The following APLP2 variants were observed in gnomAD, a reference collection of about 807,000 sequenced individuals.
The protein encoded by APLP2 is amyloid beta precursor like protein 2, also known as CDEI box-binding protein.
APLP2 carries 53 observed loss-of-function variants against 89.9 expected under a neutral mutation model. The ratio of observed to expected loss-of-function variants is 0.59; its 90% CI spans 0.47 to 0.74. The LOEUF (loss-of-function observed/expected upper bound fraction) is 0.74, where lower values mean the gene tolerates loss of function less well. Among genes scored for constraint, APLP2 ranks in the 30% least tolerant of loss-of-function variants. The pLI is 0.00. For synonymous variants in APLP2, 372 were observed against 348.6 expected, an observed-to-expected ratio of 1.07 and a Z score of -0.75; for missense variants, 973 against 975.9, an observed-to-expected ratio of 1.00 and a Z score of 0.04.
intron 3 of APLP2, among the ~76,000 whole-genome samples, chr11:130,114,600 A>G (rs1948968104): frequency 6.6e-6 from 1 of 152,018 alleles, no homozygotes; most frequent in Non-Finnish European, 1.5e-5. Flanking sequence ...TGAGAACTTT[A>G]CTTTCTGATA....
In APLP2 at chr11:130,144,470, C is replaced by G. The variant is rs1432508248; in HGVS notation, c.*1022C>G. ...TTGTGTGAAAGGAAAGTAGTCCAGG[C>G]TGTCCCTGAAACTGAGTCTGTGGAC... On this transcript the variant is annotated 3_prime_UTR_variant, in exon 17 of 17. Coordinates refer to ENST00000338167, the MANE Select transcript of APLP2 (RefSeq NM_001142276.2). The G allele has an allele frequency of 6.6e-6, 1 of 152,344 alleles. No homozygotes were observed. The highest frequency in any genetic ancestry group is 1.9e-4 in the East Asian group (1 of 5,186). The allele number at this position is 152,344 out of a possible 1,614,324, so 9.4% of individuals were successfully genotyped here. A position where few individuals can be genotyped will look rare whatever the true frequency, so the allele number is the denominator to read the frequency against.
At chr11:130,073,634 A>C (rs796214144) in intron 1 of APLP2, among the ~76,000 whole-genome samples, 7 of 152,308 alleles carry the variant, frequency 4.6e-5, no homozygotes, top group African/African-American at 1.7e-4. Flanking sequence ...CGAGGTCAGG[A>C]GTTCGAGACC....
At chr11:130,100,186 A>C (rs546953845) in intron 1 of APLP2, 1 of 152,268 alleles carries the variant, frequency 6.6e-6, no homozygotes, top group Admixed American at 6.5e-5. Context: ...CAGAGTTGGC[A>C]CAGCCAGTCA....
chr11:130,095,238 G>A (rs545882357), intron 1 of APLP2, among the ~76,000 whole-genome samples: 126 of 152,344 alleles, frequency 8.3e-4, no homozygotes, highest in Middle Eastern at 3.4e-3. Context: ...TGGATGTGGT[G>A]TGGCATGTCT....
intron 1 of APLP2, chr11:130,102,032 GTAATTGTTT>G (rs1451523341): frequency 2.2e-6 from 1 of 452,776 alleles, no homozygotes; most frequent in East Asian, 7.0e-5. Flanking sequence ...CTGCTCTCAA[GTAATTGTTT>G]TCCCTTTTGT....
At chr11:130,097,900 T>C (rs1946418274) in intron 1 of APLP2, among the ~76,000 whole-genome samples, 1 of 152,172 alleles carries the variant, frequency 6.6e-6, no homozygotes, top group Admixed American at 6.5e-5. Context: ...AATGTTAGAA[T>C]TCAGGACAGT....
At chr11:130,095,308 A>G (rs1946049546) in intron 1 of APLP2, among the ~76,000 whole-genome samples, 1 of 152,148 alleles carries the variant, frequency 6.6e-6, no homozygotes, top group African/African-American at 2.4e-5. Flanking sequence ...GGAGTTTGAG[A>G]CTGCAGTGAC....
At chr11:130,086,150 G>C (rs1180666255) in intron 1 of APLP2, among the ~76,000 whole-genome samples, 3 of 152,242 alleles carry the variant, frequency 2.0e-5, no homozygotes, top group African/African-American at 7.2e-5. Flanking sequence ...CTGTTCTCCA[G>C]TCCCACTGAC....
At chr11:130,137,833 C>A (rs1210323582) in intron 13 of APLP2, among the ~76,000 whole-genome samples, 1 of 152,142 alleles carries the variant, frequency 6.6e-6, no homozygotes, top group South Asian at 2.1e-4. Flanking sequence ...TGGAGACAAC[C>A]CAGCTCACTG....
chr11:130,112,975 G>A (rs1169270823), intron 3 of APLP2, among the ~76,000 whole-genome samples: 1 of 152,132 alleles, frequency 6.6e-6, no homozygotes, highest in African/African-American at 2.4e-5. Flanking sequence ...TTCCTGCAAG[G>A]CTTACCTCAG....
intron 1 of APLP2, among the ~76,000 whole-genome samples, chr11:130,091,378 A>C: frequency 7.4e-6 from 1 of 134,996 alleles, no homozygotes; most frequent in Non-Finnish European, 1.5e-5. Context: ...CGACCCCCCT[A>C]CCTCCCTCCC....
chr11:130,120,686 A>G lies in APLP2; in HGVS notation c.404-20A>G. 6.3e-7 allele frequency: 1 copy of G among 1,584,016 alleles called. No homozygotes were observed. Among genetic ancestry groups the G allele is most frequent in the Non-Finnish European group, 8.7e-7 (1 of 1,152,660 alleles). ...TGAAATCATGGTCAGATCCGCTCTGACAAAGATTCTCTTTTCCAGTGGGTG... is the reference window on the plus strand; with the variant it reads ...TGAAATCATGGTCAGATCCGCTCTGGCAAAGATTCTCTTTTCCAGTGGGTG... On this transcript the variant is annotated intron_variant, in intron 3 of 16. Coordinates refer to ENST00000338167, the MANE Select transcript of APLP2 (RefSeq NM_001142276.2).
At chr11:130,109,629 G>GT in intron 2 of APLP2, 27 bp downstream of exon 2, 1 of 1,592,104 alleles carries the variant, frequency 6.3e-7, no homozygotes, top group African/African-American at 1.4e-5. Context: ...TAAGTTGAAA[G>GT]TGTTATTTTT....
At position 130,129,154 on chromosome 11, in the gene APLP2, G is replaced by A. The variant is rs768916094; in HGVS notation, c.1403G>A (p.Arg468His). 4 of 1,614,196 alleles carry A rather than the reference G, an allele frequency of 2.5e-6. No homozygotes were observed. Among genetic ancestry groups the A allele is most frequent in the Admixed American group, 3.3e-5 (2 of 60,024 alleles). ...ARVEAMLNDR[R>H]RMALENYLAA... The stretch of plus-strand genomic sequence containing the variant: ...GTGGAAGCTATGCTGAATGACCGCC[G>A]TCGGATGGCTCTGGAGAACTACCTG... Residue 468 changes from arginine (R) to histidine (H), a missense_variant, in exon 10 of 17, where the codon CGT becomes CAT. Physicochemically the swap from Arg to His is conservative, Grantham distance 29. Coordinates refer to ENST00000338167, the MANE Select transcript of APLP2 (RefSeq NM_001142276.2).
At chr11:130,117,851 G>A (rs1322853344) in intron 3 of APLP2, among the ~76,000 whole-genome samples, 4 of 152,108 alleles carry the variant, frequency 2.6e-5, no homozygotes, top group Non-Finnish European at 5.9e-5. Context: ...GGCCGGGGTG[G>A]ATCACAAGGT....
chr11:130,132,795 C>T (rs1363459450), intron 11 of APLP2, among the ~76,000 whole-genome samples: 1 of 152,144 alleles, frequency 6.6e-6, no homozygotes, highest in Non-Finnish European at 1.5e-5. Flanking sequence ...CCACAATAAT[C>T]ATTTAAGCAA....
chr11:130,127,687 C>CT, intron 8 of APLP2, 79 bp from the exon 9 acceptor site: 1 of 1,171,496 alleles, frequency 8.5e-7, no homozygotes, highest in Non-Finnish European at 1.3e-6. Context: ...GATTTAGCAT[C>CT]TGACAGTGTT....
chr11:130,075,431 C>T (rs1941953327), intron 1 of APLP2, among the ~76,000 whole-genome samples: 1 of 152,136 alleles, frequency 6.6e-6, no homozygotes, highest in Non-Finnish European at 1.5e-5. Flanking sequence ...ATTTATTAAA[C>T]CTGTTACATG....
intron 16 of APLP2, 109 bp from the exon 17 acceptor site, chr11:130,143,238 G>C: frequency 1.0e-6 from 1 of 965,362 alleles, no homozygotes; most frequent in South Asian, 1.3e-5. Context: ...CGGGCTGCTG[G>C]CTGCATTTGG....
Sources: gnomAD v4.1 joint callset for allele counts (sites outside exome capture counted in the v4.1 genomes callset) on GRCh38, gnomAD v4.1.1 for gene constraint, MANE v1.5 for transcripts, NCBI Gene and HGNC (gene_info 2026-07-23, HGNC 2026-07-21) for gene names.